Variants in KCNQ3 observed in about 807,000 individuals in gnomAD.
KCNQ3 encodes potassium voltage-gated channel subfamily Q member 3, also known as potassium voltage-gated channel subfamily KQT member 3.
KCNQ3 carries 30 observed loss-of-function variants against 92.5 expected under a neutral mutation model. That is an observed-to-expected ratio of 0.32 (90% CI 0.24 to 0.44). KCNQ3 has a LOEUF of 0.44. KCNQ3 is among the 20% of genes least tolerant of loss of function. The probability of loss-of-function intolerance (pLI) is 1.00; values close to 1 mark genes in which losing one functional copy is unlikely to be tolerated. For missense variants in KCNQ3, 913 were observed against 1,140.3 expected (o/e 0.80, Z 2.87); for synonymous variants, 450 against 468.8 (o/e 0.96, Z 0.52).
chr8:132,480,545 C>A lies in KCNQ3; in HGVS notation c.-13G>T. 1.6e-6 allele frequency: 2 copies of A among 1,255,610 alleles called. No individual in the cohort carries two copies. The highest frequency in any genetic ancestry group is 1.2e-4 in the East Asian group (2 of 16,172). The allele number at this position is 1,255,610 out of a possible 1,614,324, so 77.8% of individuals were successfully genotyped here. On this transcript the variant is annotated 5_prime_UTR_variant, in exon 1 of 15. Transcript: ENST00000388996. ...CCTTGAGCCCCATCTGCCTCGCCCC[C>A]GCCGGCCGCTTCGCCTTCTCCGCTG...
chr8:132,383,866 C>T (rs1819822919), intron 1 of KCNQ3, among the ~76,000 whole-genome samples: 1 of 152,306 alleles, frequency 6.6e-6, no homozygotes, highest in Middle Eastern at 3.4e-3. Context: ...GGCTGTGTAA[C>T]TTTGGCAAGG....
At chr8:132,302,409 C>G (rs976952939) in intron 1 of KCNQ3, among the ~76,000 whole-genome samples, 2 of 152,220 alleles carry the variant, frequency 1.3e-5, no homozygotes, top group Admixed American at 1.3e-4. Context: ...TCAGGTCTTT[C>G]TTGTTGGCCA....
At chr8:132,476,421 C>T (rs1036985197) in intron 1 of KCNQ3, among the ~76,000 whole-genome samples, 3 of 152,236 alleles carry the variant, frequency 2.0e-5, no homozygotes, top group Non-Finnish European at 4.4e-5. Flanking sequence ...GAAGCAGCCA[C>T]AGGAGTTGAA....
chr8:132,305,617 C>T (rs1300179385), intron 1 of KCNQ3, among the ~76,000 whole-genome samples: 3 of 152,124 alleles, frequency 2.0e-5, no homozygotes, highest in Non-Finnish European at 4.4e-5. Context: ...TGAGGCATTG[C>T]TTTCCATGCC....
intron 1 of KCNQ3, among the ~76,000 whole-genome samples, chr8:132,349,457 G>T (rs1019352180): frequency 2.0e-5 from 3 of 152,224 alleles, no homozygotes; most frequent in African/African-American, 4.8e-5. Context: ...GCTGTACTTG[G>T]TGACTCATCA....
At position 132,379,865 on chromosome 8, in the gene KCNQ3, G is replaced by T. The variant is rs536404753; in HGVS notation, c.386+100282C>A. On this transcript the variant is annotated intron_variant, in intron 1 of 14. Transcript: ENST00000388996. ...TATACCCCTGATTTACTTTCTAGAAGCTCCTGAGGAAATCTTGGCATCTTT... is the reference window on the plus strand; with the variant it reads ...TATACCCCTGATTTACTTTCTAGAATCTCCTGAGGAAATCTTGGCATCTTT... 6.7e-4 allele frequency among the ~76,000 whole-genome samples: 101 copies of T among 150,024 alleles called. 2 individuals carry two copies. In the South Asian group the frequency reaches 0.013, roughly 19 times the overall value.
intron 1 of KCNQ3, among the ~76,000 whole-genome samples, chr8:132,311,980 CAG>C (rs71306381): frequency 0.47 from 71,453 of 151,704 alleles, 17,224 homozygotes; most frequent in East Asian, 0.62. Flanking sequence ...AGAGGAGACA[CAG>C]AAACTCAGAA....
chr8:132,380,290 G>A (rs1290324657), intron 1 of KCNQ3, among the ~76,000 whole-genome samples: 6 of 152,166 alleles, frequency 3.9e-5, no homozygotes, highest in East Asian at 1.9e-4. Flanking sequence ...GTAGGTTCTT[G>A]TGGGGCTACC....
At chr8:132,151,008 A>T (rs962772526) in intron 9 of KCNQ3, among the ~76,000 whole-genome samples, 2 of 152,248 alleles carry the variant, frequency 1.3e-5, no homozygotes, top group Non-Finnish European at 2.9e-5. Context: ...TATTGGTAAG[A>T]AGCAGATGTC....
intron 1 of KCNQ3, among the ~76,000 whole-genome samples, chr8:132,288,435 C>A (rs964005423): frequency 3.9e-5 from 6 of 152,184 alleles, no homozygotes; most frequent in Non-Finnish European, 7.3e-5. Context: ...TCTATATAAA[C>A]ATGAGATGCT....
At position 132,327,718 on chromosome 8, in the gene KCNQ3, G is replaced by A. The variant is rs557653798; in HGVS notation, c.387-141537C>T. Among the ~76,000 whole-genome samples the A allele has an allele frequency of 1.4e-4, 22 of 152,294 alleles. No homozygotes were observed. The South Asian group carries it at 4.6e-3, about 32-fold the overall frequency. On this transcript the variant is annotated intron_variant, in intron 1 of 14. Coordinates refer to ENST00000388996, the MANE Select transcript of KCNQ3 (RefSeq NM_004519.4). Reference sequence around the variant, plus strand: ...GGCCTCATCCTGTTCTCTGCTCCTAGAAAATCCCAGGCCCTGTATGAGCAT... The same window carrying A: ...GGCCTCATCCTGTTCTCTGCTCCTAAAAAATCCCAGGCCCTGTATGAGCAT...
At chr8:132,425,927 C>T (rs1041947780) in intron 1 of KCNQ3, among the ~76,000 whole-genome samples, 1 of 152,224 alleles carries the variant, frequency 6.6e-6, no homozygotes, top group African/African-American at 2.4e-5. Context: ...TATTTTGGTT[C>T]TCCCAACCAC....
At chr8:132,305,459 T>C (rs963507648) in intron 1 of KCNQ3, among the ~76,000 whole-genome samples, 1 of 152,230 alleles carries the variant, frequency 6.6e-6, no homozygotes, top group African/African-American at 2.4e-5. Context: ...CTCCCCTTTT[T>C]TGAGACATTC....
At position 132,181,285 on chromosome 8, in the gene KCNQ3, T is replaced by C. The variant is rs367630315; in HGVS notation, c.605-956A>G. ...ATTCCCATGTCAATTATCACCCCAC[T>C]TTCCTGCAGAGTTACCAAGTAAAAA... On this transcript the variant is annotated intron_variant, in intron 3 of 14. Coordinates refer to ENST00000388996, the MANE Select transcript of KCNQ3 (RefSeq NM_004519.4). Among the ~76,000 whole-genome samples the C allele has an allele frequency of 2.8e-4, 43 of 152,286 alleles. No individual in the cohort carries two copies. In the South Asian group the frequency reaches 8.7e-3, roughly 31 times the overall value.
intron 1 of KCNQ3, among the ~76,000 whole-genome samples, chr8:132,227,146 T>C (rs1255131589): frequency 6.7e-6 from 1 of 149,418 alleles, no homozygotes; most frequent in Non-Finnish European, 1.5e-5. Context: ...CACTGCAACC[T>C]CTGACTCCCT....
At chr8:132,210,374 G>A (rs2130296356) in intron 1 of KCNQ3, among the ~76,000 whole-genome samples, 1 of 152,330 alleles carries the variant, frequency 6.6e-6, no homozygotes, top group African/African-American at 2.4e-5. Flanking sequence ...CATGGGCAAG[G>A]CTGTGTCCCT....
chr8:132,247,002 C>T (rs776947631), intron 1 of KCNQ3, among the ~76,000 whole-genome samples: 2 of 152,188 alleles, frequency 1.3e-5, no homozygotes, highest in Non-Finnish European at 2.9e-5. Flanking sequence ...AAATTACAGT[C>T]ACAGTAATAA....
At chr8:132,399,838 G>A (rs987551481) in intron 1 of KCNQ3, among the ~76,000 whole-genome samples, 6 of 152,144 alleles carry the variant, frequency 3.9e-5, no homozygotes, top group South Asian at 2.1e-4. Context: ...TCTGTAAAAC[G>A]GAAACACTAG....
intron 1 of KCNQ3, among the ~76,000 whole-genome samples, chr8:132,192,442 T>G (rs892119113): frequency 6.6e-6 from 1 of 152,190 alleles, no homozygotes; most frequent in South Asian, 2.1e-4. Flanking sequence ...GACAAGGATG[T>G]GGCGCTGAAC....
Sources: gnomAD v4.1 joint callset for allele counts (sites outside exome capture counted in the v4.1 genomes callset) on GRCh38, gnomAD v4.1.1 for gene constraint, MANE v1.5 for transcripts, NCBI Gene and HGNC (gene_info 2026-07-23, HGNC 2026-07-21) for gene names.